NLRC5: variants seen among roughly 807,000 people sequenced by gnomAD.
NLRC5 encodes NLR family CARD domain containing 5, also known as protein NLRC5.
NLRC5 carries 114 observed loss-of-function variants against 206.9 expected under a neutral mutation model. The observed-to-expected ratio is 0.55, with a 90% CI of 0.47 to 0.64. The LOEUF (loss-of-function observed/expected upper bound fraction) is 0.64, where lower values mean the gene tolerates loss of function less well. Among genes scored for constraint, NLRC5 ranks in the 30% least tolerant of loss-of-function variants. The pLI, the probability that NLRC5 is intolerant of heterozygous loss-of-function variation, is 0.00. For missense variants in NLRC5, 2,008 were observed against 2,305.5 expected (o/e 0.87, Z 2.64); for synonymous variants, 952 against 962.8 (o/e 0.99, Z 0.21).
At position 57,062,938 on chromosome 16, in the gene NLRC5, C is replaced by T. The variant is rs7187500; in HGVS notation, c.4154+1237C>T. On this transcript the variant is annotated intron_variant, in intron 32 of 48. Coordinates refer to ENST00000688547, the MANE Select transcript of NLRC5 (RefSeq NM_001384950.1). ...CCCTACCCCAGCCCCTGGCAACCAC[C>T]ATTCTGCTTTCTGTCTCTATGAATT... Among the ~76,000 whole-genome samples the T allele has an allele frequency of 7.4e-3, 1,121 of 152,098 alleles. 12 individuals are homozygous for T. Among genetic ancestry groups the T allele is most frequent in the African/African-American group, 0.025 (1,036 of 41,466 alleles).
At chr16:57,039,335 A>G in intron 15 of NLRC5, among the ~76,000 whole-genome samples, 1 of 152,218 alleles carries the variant, frequency 6.6e-6, no homozygotes, top group East Asian at 1.9e-4. Context: ...TCAGCCCTCC[A>G]AAAGCTCAGA....
intron 22 of NLRC5, 118 bp from the exon 23 acceptor site, chr16:57,047,427 G>A (rs1218353572): frequency 3.6e-6 from 3 of 835,396 alleles, no homozygotes; most frequent in African/African-American, 3.4e-5. Context: ...CACAGGGGAA[G>A]GGGCCTGTGG....
intron 1 of NLRC5, among the ~76,000 whole-genome samples, chr16:57,015,301 G>A (rs769704957): frequency 6.6e-6 from 1 of 152,264 alleles, no homozygotes; most frequent in South Asian, 2.1e-4. Context: ...ACTTCGCAAA[G>A]GTCCCACTTC....
At chr16:57,082,371 G>T in intron 48 of NLRC5, 46 bp from the exon 49 acceptor site, 1 of 1,447,934 alleles carries the variant, frequency 6.9e-7, no homozygotes, top group South Asian at 1.2e-5. Flanking sequence ...TACGACAGAT[G>T]GCAAAGATGG....
chr16:57,078,907 T>TTTAACA, intron 43 of NLRC5, 143 bp from the exon 44 acceptor site: 1 of 733,598 alleles, frequency 1.4e-6, no homozygotes. Flanking sequence ...CCAGGGTCCT[T>TTTAACA]GATACCTACC....
intron 14 of NLRC5, 119 bp downstream of exon 14, chr16:57,036,302 C>T (rs1188568874): frequency 1.1e-5 from 10 of 903,024 alleles, no homozygotes; most frequent in Non-Finnish European, 1.7e-5. Context: ...TTCCTCCCAA[C>T]TCCAGCAAAG....
At chr16:56,994,378 C>T (rs925914823) in intron 1 of NLRC5, among the ~76,000 whole-genome samples, 3 of 152,236 alleles carry the variant, frequency 2.0e-5, no homozygotes, top group Admixed American at 1.3e-4. Context: ...CTCTGGCTCA[C>T]CACCTGCCAT....
chr16:57,003,206 G>A (rs989563994), intron 1 of NLRC5, among the ~76,000 whole-genome samples: 1 of 152,006 alleles, frequency 6.6e-6, no homozygotes, highest in South Asian at 2.1e-4. Context: ...CTGCCACCAC[G>A]CCTGGCTAAT....
In NLRC5 at chr16:57,070,981, T is replaced by C. The variant is rs78659732; in HGVS notation, c.4667+363T>C. ...TGGGGAAGGAGATGAGTGAGTGGTG[T>C]TGGTGGTTAATGGGGAAGGGTTGTG... is the stretch of plus-strand genomic sequence containing the variant. On this transcript the variant is annotated intron_variant, in intron 38 of 48. Coordinates refer to ENST00000688547, the MANE Select transcript of NLRC5 (RefSeq NM_001384950.1). 2.6e-4 allele frequency among the ~76,000 whole-genome samples: 11 copies of C among 42,368 alleles called. No individual in the cohort carries two copies. The East Asian group carries it at 0.01, about 39-fold the overall frequency. 27.8% of individuals were successfully genotyped at this position (42,368 alleles called of 152,430 possible). A position where few individuals can be genotyped will look rare whatever the true frequency, so the allele number is the denominator to read the frequency against.
chr16:57,066,725 CTT>C, intron 34 of NLRC5, 111 bp downstream of exon 34: 1 of 978,360 alleles, frequency 1.0e-6, no homozygotes, highest in South Asian at 1.4e-5. Context: ...GGTTCGAAGT[CTT>C]TACACAGGCT....
intron 21 of NLRC5, among the ~76,000 whole-genome samples, chr16:57,046,068 G>A (rs1219806381): frequency 6.6e-6 from 1 of 152,236 alleles, no homozygotes; most frequent in East Asian, 1.9e-4. Context: ...GTCACAGCTA[G>A]TGTGTCAAGA....
intron 38 of NLRC5, among the ~76,000 whole-genome samples, chr16:57,071,659 G>GAGTA (rs113225249): frequency 0.045 from 5,579 of 124,790 alleles, 553 homozygotes; most frequent in African/African-American, 0.13. Context: ...AATGGGAAGG[G>GAGTA]AGTGAGTGGT....
chr16:57,055,332 C>G, intron 26 of NLRC5, 101 bp from the exon 27 acceptor site: 1 of 1,145,876 alleles, frequency 8.7e-7, no homozygotes, highest in Non-Finnish European at 1.3e-6. Context: ...GAGTGGAGAC[C>G]CACCTGGAGC....
At chr16:57,071,739 G>C (rs1158842451) in intron 38 of NLRC5, among the ~76,000 whole-genome samples, 1 of 141,104 alleles carries the variant, frequency 7.1e-6, no homozygotes, top group Non-Finnish European at 1.5e-5. Flanking sequence ...GGTGAGTAAG[G>C]GGTGGGGGTG....
chr16:57,022,140 C>A, intron 3 of NLRC5, 116 bp from the exon 4 acceptor site: 1 of 731,606 alleles, frequency 1.4e-6, no homozygotes, highest in Non-Finnish European at 2.2e-6. Context: ...CCATTTAGTT[C>A]TCCCTTGCTG....
In NLRC5 at chr16:57,030,064, C is replaced by T. The variant is rs755764006; in HGVS notation, c.2397C>T (p.Thr799=). The T allele has an allele frequency of 1.4e-5, 22 of 1,613,872 alleles. No homozygotes were observed. Among genetic ancestry groups the T allele is most frequent in the African/African-American group, 4.0e-5 (3 of 74,878 alleles). Reference sequence around the variant, plus strand: ...CAAGGGTGGCAGTCACGTGTCCTACCGTCAGGATGCTTCAGGCCAGGTGAG... The same window carrying T: ...CAAGGGTGGCAGTCACGTGTCCTACTGTCAGGATGCTTCAGGCCAGGTGAG... The part of the protein sequence containing the change: ...CLARVAVTCP[T]VRMLQAREAD... The change falls in exon 10 of 49, where the codon ACC becomes ACT. Residue 799 remains threonine (T), a synonymous_variant. Transcript: ENST00000688547.
intron 18 of NLRC5, 151 bp from the exon 19 acceptor site, chr16:57,041,831 G>C: frequency 1.5e-6 from 1 of 647,114 alleles, no homozygotes; most frequent in African/African-American, 1.8e-5. Flanking sequence ...GGAGACCCCA[G>C]CTGCCCGTGC....
intron 24 of NLRC5, among the ~76,000 whole-genome samples, chr16:57,053,628 A>C (rs1222666408): frequency 6.6e-6 from 1 of 152,196 alleles, no homozygotes; most frequent in Non-Finnish European, 1.5e-5. Flanking sequence ...TCCCAGGTTC[A>C]GGCAATTCTT....
intron 4 of NLRC5, 85 bp downstream of exon 4, chr16:57,022,400 G>A: frequency 8.4e-7 from 1 of 1,190,324 alleles, no homozygotes; most frequent in South Asian, 1.3e-5. Flanking sequence ...TGTGGAGGCT[G>A]TGGTGGCTGG....
Sources: allele counts gnomAD v4.1 joint callset (sites outside exome capture counted in the v4.1 genomes callset), GRCh38; gene constraint gnomAD v4.1.1; transcripts MANE v1.5; gene names NCBI Gene and HGNC (gene_info 2026-07-23, HGNC 2026-07-21).